The following DNAAF1 variants were observed in gnomAD, a reference collection of about 807,000 sequenced individuals.
DNAAF1 encodes the protein dynein assembly factor 1, axonemal.
In DNAAF1, 65 loss-of-function variants were observed where a neutral mutation model predicts 71.1. That is an observed-to-expected ratio of 0.91 (90% confidence interval 0.75 to 1.12). DNAAF1 has a LOEUF of 1.12. Ranked by LOEUF, DNAAF1 falls within the 50% of genes most tolerant of loss-of-function variation. The pLI is 0.00. For missense variants in DNAAF1, 1,178 were observed against 899.8 expected (o/e 1.31, Z -3.96); for synonymous variants, 414 against 354.6 (o/e 1.17, Z -1.88).
Position 84,170,651 on chromosome 16 carries a change from C to G in DNAAF1, c.1528+295C>G, listed in dbSNP as rs5024459. On this transcript the variant is annotated intron_variant, in intron 8 of 11. Transcript: ENST00000378553. ...GAGTTTCAGACCAGCCTCAGAAATA[C>G]AGAGACCTCATCCCTACCAAAACTA... Among the ~76,000 whole-genome samples the G allele has an allele frequency of 0.31, 46,915 of 151,602 alleles. 7,802 individuals are homozygous for G. Among genetic ancestry groups the G allele is most frequent in the Non-Finnish European group, 0.37 (25,233 of 67,832 alleles).
intron 11 of DNAAF1, chr16:84,176,596 C>A (rs529204127): frequency 1.6e-5 from 8 of 495,120 alleles, no homozygotes; most frequent in African/African-American, 1.5e-4. Flanking sequence ...TCTCCTGGGG[C>A]GGGGGCCTAA....
rs148674729 is a variant in DNAAF1, at chr16:84,170,055, T to G, written c.1227T>G (p.Gly409=). The change falls in exon 8 of 12, where the codon GGT becomes GGG. Residue 409 remains glycine, a synonymous_variant. Transcript: ENST00000378553. ...TGGAGGCTAAAAGAGAGGATGGAGG[T>G]CCAGAGCCAGAGGGGACCCTCCCAG... ...PPVEAKREDG[G]PEPEGTLPAE... is the part of the protein sequence containing the mutation. The G allele has an allele frequency of 5.9e-4, 959 of 1,613,696 alleles. 7 individuals are homozygous for G. In the African/African-American group the frequency reaches 0.011, roughly 19 times the overall value.
intron 9 of DNAAF1, chr16:84,172,680 A>G (rs1567565404): frequency 2.4e-6 from 3 of 1,237,220 alleles, no homozygotes; most frequent in East Asian, 4.5e-5. Context: ...CCTTTTTGCC[A>G]AAGAAGCTAT....
At chr16:84,155,179 AT>A (rs1467489187) in intron 4 of DNAAF1, among the ~76,000 whole-genome samples, 4 of 152,018 alleles carry the variant, frequency 2.6e-5, no homozygotes, top group African/African-American at 9.7e-5. Flanking sequence ...AAGTGCTGGG[AT>A]TACAGGCGTG....
At chr16:84,154,842 A>T in intron 4 of DNAAF1, 44 bp downstream of exon 4, 2 of 1,453,168 alleles carry the variant, frequency 1.4e-6, no homozygotes, top group Non-Finnish European at 1.9e-6. Context: ...CCATATGTCC[A>T]TCACCTTCCC....
In DNAAF1 at chr16:84,176,137, A is replaced by G. The variant is rs1025763687; in HGVS notation, c.1903A>G (p.Ile635Val). Residue 635 changes from isoleucine (I) to valine (V), a missense_variant, in exon 11 of 12, where the codon ATC becomes GTC. Transcript: ENST00000378553. ...FKKEAKRDLE[I>V]RKQDTKSPRP... ...AAAAGAAGCTAAGAGGGACTTGGAA[A>G]TCCGAAAACAAGACACCAAGTCCCC... 1.5e-5 allele frequency: 24 copies of G among 1,613,966 alleles called. No homozygotes were observed. Among genetic ancestry groups the G allele is most frequent in the Non-Finnish European group, 2.0e-5 (24 of 1,179,996 alleles).
intron 3 of DNAAF1, among the ~76,000 whole-genome samples, chr16:84,150,929 C>G (rs184067250): frequency 6.6e-6 from 1 of 152,102 alleles, no homozygotes; most frequent in Admixed American, 6.6e-5. Context: ...TTTAATTTTT[C>G]ATACCAGAAA....
chr16:84,169,650 G>T (rs1412307576), intron 7 of DNAAF1, among the ~76,000 whole-genome samples: 1 of 150,644 alleles, frequency 6.6e-6, no homozygotes, highest in African/African-American at 2.4e-5. Flanking sequence ...TGAACTCCTG[G>T]CCTCAAGTGA....
chr16:84,146,005 G>C (rs917295505), intron 1 of DNAAF1, among the ~76,000 whole-genome samples: 26 of 152,174 alleles, frequency 1.7e-4, no homozygotes, highest in African/African-American at 6.3e-4. Context: ...GCTGAGGCAG[G>C]AGAATCGCTT....
chr16:84,153,660 C>T (rs1483376454), intron 3 of DNAAF1, among the ~76,000 whole-genome samples: 1 of 152,070 alleles, frequency 6.6e-6, no homozygotes, highest in Admixed American at 6.6e-5. Context: ...AAATAAAGAA[C>T]TTTAAAAAGT....
At chr16:84,172,908 G>A in intron 9 of DNAAF1, 1 of 1,006,190 alleles carries the variant, frequency 9.9e-7, no homozygotes, top group Non-Finnish European at 1.2e-6. Context: ...AGCCTTGCCT[G>A]TCACTCTTCC....
chr16:84,165,677 T>C (rs2087935429), intron 6 of DNAAF1, 106 bp from the exon 7 acceptor site: 1 of 1,095,214 alleles, frequency 9.1e-7, no homozygotes, highest in African/African-American at 1.5e-5. Context: ...CAGTCACATG[T>C]CTGATGCTCA....
chr16:84,155,692 G>A lies in DNAAF1; in HGVS notation c.684G>A (p.Ser228=), dbSNP rs200109125. Residue 228 remains serine, a synonymous_variant, in exon 5 of 12, where the codon TCG becomes TCA. Coordinates refer to ENST00000378553, the MANE Select transcript of DNAAF1 (RefSeq NM_178452.6). ...ECLRLCVLDL[S]HNKLSDPEIL... Reference sequence around the variant, plus strand: ...TGAGGCTTTGTGTCCTTGACCTTTCGCACAACAAGCTGAGTGACCCGGAGA... The same window carrying A: ...TGAGGCTTTGTGTCCTTGACCTTTCACACAACAAGCTGAGTGACCCGGAGA... The A allele has an allele frequency of 2.4e-5, 38 of 1,613,930 alleles. No individual in the cohort carries two copies. The highest frequency in any genetic ancestry group is 2.5e-5 in the Non-Finnish European group (29 of 1,180,024).
chr16:84,154,784 C>T lies in DNAAF1; in HGVS notation c.560C>T (p.Thr187Ile), dbSNP rs1250379155. Reference sequence around the variant, plus strand: ...AACCTCAGCAACAATTACATCAAGACCATTGAAAACCTCTGTAAGGGTACC... The same window carrying T: ...AACCTCAGCAACAATTACATCAAGATCATTGAAAACCTCTGTAAGGGTACC... ...ALNLSNNYIK[T>I]IENLSCLPVL... Residue 187 changes from threonine to isoleucine, a missense_variant, in exon 4 of 12, where the codon ACC (threonine) becomes ATC (isoleucine). Coordinates refer to ENST00000378553, the MANE Select transcript of DNAAF1 (RefSeq NM_178452.6). 3 of 1,613,658 alleles carry T rather than the reference C, an allele frequency of 1.9e-6. No homozygotes were observed. Among genetic ancestry groups the T allele is most frequent in the Non-Finnish European group, 2.5e-6 (3 of 1,179,696 alleles).
intron 9 of DNAAF1, 97 bp downstream of exon 9, chr16:84,172,472 T>C: frequency 6.5e-7 from 1 of 1,544,442 alleles, no homozygotes; most frequent in Non-Finnish European, 8.8e-7. Flanking sequence ...ATACCCCAAG[T>C]GTGGTCCTTG....
intron 11 of DNAAF1, chr16:84,176,574 T>A: frequency 1.9e-6 from 1 of 540,542 alleles, no homozygotes; most frequent in East Asian, 3.3e-5. Flanking sequence ...AATCCCCCTG[T>A]GGTCATGCAG....
chr16:84,165,893 C>T lies in DNAAF1; in HGVS notation c.974C>T (p.Ala325Val). ...ATCACAGACAGCATTGAAGCCTTGG[C>T]CATGATCAAGCAGCGGGCAGAGGAG... ...KKITDSIEALAMIKQRAEERK... is the reference protein window; with the variant it reads ...KKITDSIEALVMIKQRAEERK... The change falls in exon 7 of 12, where the codon GCC (alanine) becomes GTC (valine). Residue 325 changes from alanine (A) to valine (V), a missense_variant. Physicochemically the swap from Ala to Val is moderately conservative, Grantham distance 64. Transcript: ENST00000378553. The T allele has an allele frequency of 6.2e-7, 1 of 1,613,370 alleles. No homozygotes were observed. Among genetic ancestry groups the T allele is most frequent in the African/African-American group, 1.3e-5 (1 of 74,762 alleles).
chr16:84,156,269 C>T (rs1329220192), intron 5 of DNAAF1, among the ~76,000 whole-genome samples: 2 of 152,230 alleles, frequency 1.3e-5, no homozygotes, highest in African/African-American at 4.8e-5. Flanking sequence ...AACCACCACT[C>T]AATTAATTTT....
chr16:84,172,396 T>C, intron 9 of DNAAF1, 21 bp downstream of exon 9: 1 of 1,612,868 alleles, frequency 6.2e-7, no homozygotes. Flanking sequence ...TATTTAATCT[T>C]GGAGATAAGT....
Sources: gnomAD v4.1 joint callset for allele counts (sites outside exome capture counted in the v4.1 genomes callset) on GRCh38, gnomAD v4.1.1 for gene constraint, MANE v1.5 for transcripts, NCBI Gene and HGNC (gene_info 2026-07-23, HGNC 2026-07-21) for gene names.